SAMD5: variants seen among roughly 807,000 people sequenced by gnomAD.
SAMD5 encodes the protein sterile alpha motif domain-containing protein 5.
Under a neutral mutation model 11.3 loss-of-function variants are expected in SAMD5, and 13 were observed. The observed-to-expected ratio is 1.15, with a 90% CI of 0.75 to 1.83. The LOEUF is 1.83. Among genes scored for constraint, SAMD5 ranks in the 40% most tolerant of loss-of-function variants. The pLI is 0.00. For synonymous variants in SAMD5, 129 were observed against 111.3 expected (o/e 1.16, Z -1.00); for missense variants, 255 against 239.1 (o/e 1.07, Z -0.44).
chr6:147,592,677 G>C (rs887516876), intron 1 of SAMD5, among the ~76,000 whole-genome samples: 14 of 151,578 alleles, frequency 9.2e-5, no homozygotes, highest in Non-Finnish European at 1.6e-4. Context: ...GAAGGACTGG[G>C]CAAGATGCTT....
chr6:147,730,340 G>A, intron 1 of SAMD5: 2 of 287,938 alleles, frequency 6.9e-6, no homozygotes, highest in South Asian at 7.0e-5. Flanking sequence ...AAAGTGGGGA[G>A]AACAGTATGG....
the SAMD5 span, among the ~76,000 whole-genome samples, chr6:147,828,081 A>C: frequency 6.6e-6 from 1 of 152,020 alleles, no homozygotes; most frequent in Admixed American, 6.5e-5. Context: ...CCACCGCGCC[A>C]GGCCCAACGT....
At chr6:147,859,669 A>G in the SAMD5 span, among the ~76,000 whole-genome samples, 1 of 152,196 alleles carries the variant, frequency 6.6e-6, no homozygotes, top group Non-Finnish European at 1.5e-5. Context: ...AATCAATAAC[A>G]CAACACACTT....
chr6:147,684,660 G>A lies in SAMD5; in HGVS notation c.163-52657G>A, dbSNP rs181571206. On this transcript the variant is annotated intron_variant, in intron 1 of 1. Coordinates refer to the SAMD5 transcript ENST00000566741. ...TTTCGATTTGAGCATCCTGGAATGC[G>A]TGCTGTGGTGTTTAACTTTTCATTT... is the stretch of plus-strand genomic sequence containing the variant. 1.7e-3 allele frequency among the ~76,000 whole-genome samples: 265 copies of A among 152,244 alleles called. 1 individual carries two copies. Among genetic ancestry groups the A allele is most frequent in the Middle Eastern group, 3.4e-3 (1 of 294 alleles).
rs369121222 is a variant in SAMD5, at chr6:147,622,868, G to C, written c.162+113481G>C. Among the ~76,000 whole-genome samples, 7 of 152,270 alleles carry C rather than the reference G, an allele frequency of 4.6e-5. No homozygotes were observed. The South Asian group carries it at 1.0e-3, about 23-fold the overall frequency. ...TCACAATCATGGCGGAAGGTGAAAG[G>C]CACATCTTACGTGGTGGCAGGCAAG... On this transcript the variant is annotated intron_variant, in intron 1 of 1. Coordinates refer to the SAMD5 transcript ENST00000566741.
intron 1 of SAMD5, among the ~76,000 whole-genome samples, chr6:147,582,195 C>G (rs1413821339): frequency 1.3e-5 from 2 of 152,038 alleles, no homozygotes; most frequent in Non-Finnish European, 2.9e-5. Flanking sequence ...CCCGTCTCTA[C>G]TAAAAATACA....
intron 1 of SAMD5, among the ~76,000 whole-genome samples, chr6:147,696,152 C>T (rs1791172841): frequency 6.6e-6 from 1 of 152,060 alleles, no homozygotes; most frequent in Non-Finnish European, 1.5e-5. Flanking sequence ...TGCTCTTTGT[C>T]TCAACCCCCT....
At chr6:147,747,658 G>A in the SAMD5 span, among the ~76,000 whole-genome samples, 1 of 151,960 alleles carries the variant, frequency 6.6e-6, no homozygotes, top group Non-Finnish European at 1.5e-5. Flanking sequence ...CCACAGGCAC[G>A]CGCTACCACG....
chr6:147,719,439 G>A (rs953894979), intron 1 of SAMD5, among the ~76,000 whole-genome samples: 7 of 152,120 alleles, frequency 4.6e-5, no homozygotes, highest in African/African-American at 9.7e-5. Flanking sequence ...AACCAAAGGC[G>A]CAGCAGACAT....
At chr6:147,542,357 C>G (rs562163225) in intron 1 of SAMD5, among the ~76,000 whole-genome samples, 2 of 152,188 alleles carry the variant, frequency 1.3e-5, no homozygotes, top group African/African-American at 2.4e-5. Flanking sequence ...AGGGGTTCAC[C>G]TTGCGCACTA....
chr6:147,568,323 C>T lies in SAMD5; in HGVS notation c.*3867C>T. On this transcript the variant is annotated 3_prime_UTR_variant, in exon 2 of 2. Transcript: ENST00000367474. The stretch of plus-strand genomic sequence containing the variant: ...CCTTATAAGAGCCTGAGTATTGTAA[C>T]AGGTCTCTTGCACAGGGGGTTGAAA... 1 of 985,248 alleles carries T rather than the reference C, an allele frequency of 1.0e-6. No homozygotes were observed. Among genetic ancestry groups the T allele is most frequent in the Non-Finnish European group, 1.2e-6 (1 of 829,832 alleles). The allele number at this position is 985,248 out of a possible 1,614,324, so 61.0% of individuals were successfully genotyped here.
chr6:147,827,864 A>C, the SAMD5 span, among the ~76,000 whole-genome samples: 1 of 151,062 alleles, frequency 6.6e-6, no homozygotes, highest in Non-Finnish European at 1.5e-5. Context: ...ATCTCGGCTC[A>C]CTGCAAGCTC....
At chr6:147,816,879 T>C in the SAMD5 span, among the ~76,000 whole-genome samples, 1 of 152,050 alleles carries the variant, frequency 6.6e-6, no homozygotes, top group African/African-American at 2.4e-5. Context: ...GATATCAAGC[T>C]ATAAAAGATA....
intron 1 of SAMD5, among the ~76,000 whole-genome samples, chr6:147,692,831 A>C (rs1350929472): frequency 6.6e-6 from 1 of 152,248 alleles, no homozygotes; most frequent in East Asian, 1.9e-4. Context: ...TTAGGTTCAC[A>C]AAAGTACAAC....
chr6:147,916,466 C>G, the SAMD5 span, among the ~76,000 whole-genome samples: 1 of 152,108 alleles, frequency 6.6e-6, no homozygotes, highest in East Asian at 1.9e-4. Flanking sequence ...GAGATGGTAT[C>G]TCATTGTGGT....
chr6:147,546,349 G>A (rs1788685105), intron 1 of SAMD5, among the ~76,000 whole-genome samples: 1 of 152,132 alleles, frequency 6.6e-6, no homozygotes, highest in Non-Finnish European at 1.5e-5. Context: ...GACCAACGTG[G>A]AGAAATCCCA....
chr6:147,791,353 C>T, the SAMD5 span, among the ~76,000 whole-genome samples: 3 of 152,010 alleles, frequency 2.0e-5, no homozygotes. Context: ...CTTTAGGTGA[C>T]TGTCTATGCA....
At chr6:147,732,817 G>T (rs1354588998) in intron 1 of SAMD5, among the ~76,000 whole-genome samples, 1 of 152,072 alleles carries the variant, frequency 6.6e-6, no homozygotes, top group Non-Finnish European at 1.5e-5. Context: ...TAATTTACAG[G>T]GATAAGCACC....
chr6:147,784,500 C>T, the SAMD5 span, among the ~76,000 whole-genome samples: 1 of 152,138 alleles, frequency 6.6e-6, no homozygotes, highest in African/African-American at 2.4e-5. Flanking sequence ...CATGACATCT[C>T]AATATATGTT....
Sources: gnomAD v4.1 joint callset for allele counts (sites outside exome capture counted in the v4.1 genomes callset) on GRCh38, gnomAD v4.1.1 for gene constraint, MANE v1.5 for transcripts, NCBI Gene and HGNC (gene_info 2026-07-23, HGNC 2026-07-21) for gene names.